The following ROBO1 variants were observed in gnomAD, a reference collection of about 807,000 sequenced individuals.
The protein encoded by ROBO1 is roundabout homolog 1.
ROBO1 carries 149 observed loss-of-function variants against 195.9 expected under a neutral mutation model. That is an observed-to-expected ratio of 0.76 (90% CI 0.67 to 0.87). ROBO1 has a LOEUF of 0.87. ROBO1 is among the 40% of genes least tolerant of loss of function. The probability of loss-of-function intolerance (pLI) is 0.00; values close to 1 mark genes in which losing one functional copy is unlikely to be tolerated. For missense variants in ROBO1, 1,933 were observed against 2,068.3 expected (o/e 0.93, Z 1.27); for synonymous variants, 816 against 733.2 (o/e 1.11, Z -1.82).
chr3:79,237,107 G>A lies in ROBO1; in HGVS notation c.89-111568C>T, dbSNP rs138276926. Reference sequence around the variant, plus strand: ...CATTAACAAAAAACAAGAAAAGCAAGCAAGTAGAATATATGAAATATAGAG... The same window carrying A: ...CATTAACAAAAAACAAGAAAAGCAAACAAGTAGAATATATGAAATATAGAG... On this transcript the variant is annotated intron_variant, in intron 2 of 30. Coordinates refer to ENST00000464233, the MANE Select transcript of ROBO1 (RefSeq NM_002941.4). 3.5e-4 allele frequency among the ~76,000 whole-genome samples: 53 copies of A among 152,236 alleles called. No individual in the cohort carries two copies. In the East Asian group the frequency reaches 4.2e-3, roughly 12 times the overall value.
intron 4 of ROBO1, among the ~76,000 whole-genome samples, chr3:78,773,554 A>T (rs2083430494): frequency 6.6e-6 from 1 of 152,204 alleles, no homozygotes; most frequent in Non-Finnish European, 1.5e-5. Context: ...ACATCTCCTT[A>T]AAGAAACATA....
chr3:79,690,524 C>A (rs758768372), intron 1 of ROBO1, among the ~76,000 whole-genome samples: 2 of 151,964 alleles, frequency 1.3e-5, no homozygotes, highest in Admixed American at 6.6e-5. Context: ...CTTATGGACA[C>A]CATGCTCTTA....
chr3:79,354,272 G>A (rs1449745789), intron 2 of ROBO1, among the ~76,000 whole-genome samples: 3 of 152,122 alleles, frequency 2.0e-5, no homozygotes, highest in Admixed American at 1.3e-4. Context: ...CAAGGAGAAT[G>A]AGAAGAAACA....
chr3:79,402,976 T>G (rs2037418459), intron 2 of ROBO1, among the ~76,000 whole-genome samples: 1 of 151,916 alleles, frequency 6.6e-6, no homozygotes, highest in Non-Finnish European at 1.5e-5. Flanking sequence ...TTTTTTCAGT[T>G]TATCATAGAG....
At chr3:78,653,730 G>A (rs536115931) in intron 18 of ROBO1, among the ~76,000 whole-genome samples, 22 of 152,176 alleles carry the variant, frequency 1.4e-4, no homozygotes, top group Non-Finnish European at 3.1e-4. Flanking sequence ...CTAGGAGGGG[G>A]CATGTTGACA....
At chr3:78,675,788 A>C (rs1435638986) in intron 10 of ROBO1, among the ~76,000 whole-genome samples, 1 of 152,150 alleles carries the variant, frequency 6.6e-6, no homozygotes, top group Non-Finnish European at 1.5e-5. Context: ...CTGCAGACTT[A>C]AATGTACCTG....
chr3:79,466,356 T>C (rs1430756727), intron 2 of ROBO1, among the ~76,000 whole-genome samples: 1 of 152,186 alleles, frequency 6.6e-6, no homozygotes, highest in East Asian at 1.9e-4. Context: ...TCCTTGTATT[T>C]TAGTTATAAT....
intron 2 of ROBO1, among the ~76,000 whole-genome samples, chr3:79,178,494 A>G (rs955896718): frequency 1.3e-5 from 2 of 152,214 alleles, no homozygotes; most frequent in Admixed American, 1.3e-4. Flanking sequence ...CTGGTGAAAG[A>G]TATGGCTTTT....
intron 4 of ROBO1, among the ~76,000 whole-genome samples, chr3:78,859,863 G>A (rs1341046684): frequency 2.0e-5 from 3 of 151,462 alleles, no homozygotes; most frequent in South Asian, 2.1e-4. Context: ...GGTGGATCAC[G>A]AGGTCAGGAG....
rs2082261779 is a variant in ROBO1 at position 78,730,465 on chromosome 3, A to G, written c.658-12582T>C. 2.4e-5 allele frequency among the ~76,000 whole-genome samples: 2 copies of G among 83,664 alleles called. 1 individual carries two copies. Among genetic ancestry groups the G allele is most frequent in the Non-Finnish European group, 6.9e-5 (2 of 28,946 alleles). 54.9% of individuals were successfully genotyped at this position (83,664 alleles called of 152,430 possible). ...ATGCATTTTTTATTCAAAAATATAAACAGCATTTAATATTACTAATTAAGA... is the reference window on the plus strand; with the variant it reads ...ATGCATTTTTTATTCAAAAATATAAGCAGCATTTAATATTACTAATTAAGA... On this transcript the variant is annotated intron_variant, in intron 5 of 30. Transcript: ENST00000464233.
At chr3:79,671,637 T>A (rs1946634740) in intron 1 of ROBO1, among the ~76,000 whole-genome samples, 1 of 151,820 alleles carries the variant, frequency 6.6e-6, no homozygotes, top group Admixed American at 6.6e-5. Context: ...TGAACTTACA[T>A]AGAAATGTAA....
chr3:78,951,635 C>T (rs554701965), intron 3 of ROBO1, among the ~76,000 whole-genome samples: 2 of 152,224 alleles, frequency 1.3e-5, no homozygotes, highest in South Asian at 4.1e-4. Flanking sequence ...ATCTTGAGAA[C>T]TCACTTCAGG....
Position 78,630,888 on chromosome 3 carries a change from C to T in ROBO1, c.3626+273G>A, listed in dbSNP as rs935297330. The stretch of plus-strand genomic sequence containing the variant: ...AATTATATATCCATATGTTAAATTA[C>T]GTATACACACACAGGATAGATACAT... On this transcript the variant is annotated intron_variant, in intron 25 of 30. Coordinates refer to ENST00000464233, the MANE Select transcript of ROBO1 (RefSeq NM_002941.4). Among the ~76,000 whole-genome samples the T allele has an allele frequency of 1.6e-4, 24 of 152,216 alleles. No homozygotes were observed. The East Asian group carries it at 2.5e-3, about 16-fold the overall frequency.
chr3:79,625,158 A>T (rs1945128445), intron 1 of ROBO1, among the ~76,000 whole-genome samples: 1 of 151,986 alleles, frequency 6.6e-6, no homozygotes, highest in Non-Finnish European at 1.5e-5. Flanking sequence ...CAATGAGAAA[A>T]AAGCAACAAT....
intron 3 of ROBO1, among the ~76,000 whole-genome samples, chr3:79,094,977 A>G (rs1442006849): frequency 2.0e-5 from 3 of 149,482 alleles, no homozygotes; most frequent in Admixed American, 6.7e-5. Flanking sequence ...TCCTTCCACA[A>G]TTATGAAGTA....
chr3:78,768,791 C>G (rs1302041163), intron 4 of ROBO1, among the ~76,000 whole-genome samples: 1 of 149,276 alleles, frequency 6.7e-6, no homozygotes, highest in Non-Finnish European at 1.5e-5. Context: ...GTATATCTCC[C>G]AATGCTATCC....
intron 2 of ROBO1, among the ~76,000 whole-genome samples, chr3:79,433,753 A>G (rs572794410): frequency 1.3e-5 from 2 of 152,304 alleles, no homozygotes; most frequent in East Asian, 3.9e-4. Context: ...AGACAACCCT[A>G]AGCCAAAAGA....
At chr3:79,341,668 G>T (rs1245854110) in intron 2 of ROBO1, among the ~76,000 whole-genome samples, 1 of 151,796 alleles carries the variant, frequency 6.6e-6, no homozygotes, top group African/African-American at 2.4e-5. Context: ...ATGTTCTATT[G>T]TCTCATTATG....
At chr3:79,090,232 C>T (rs1301852101) in intron 3 of ROBO1, among the ~76,000 whole-genome samples, 1 of 152,126 alleles carries the variant, frequency 6.6e-6, no homozygotes, top group African/African-American at 2.4e-5. Context: ...GCCACCGCTC[C>T]TGGCCCATTT....
Sources: gnomAD v4.1 joint callset for allele counts (sites outside exome capture counted in the v4.1 genomes callset) on GRCh38, gnomAD v4.1.1 for gene constraint, MANE v1.5 for transcripts, NCBI Gene and HGNC (gene_info 2026-07-23, HGNC 2026-07-21) for gene names.